The following HDX variants were observed in gnomAD, a reference collection of about 807,000 sequenced individuals.
HDX encodes highly divergent homeobox, also known as chromosome X open reading frame 43.
In HDX, 19 loss-of-function variants were observed where a neutral mutation model predicts 45.2. The ratio of observed to expected loss-of-function variants is 0.42; its 90% CI spans 0.29 to 0.62. HDX has a LOEUF of 0.62. HDX is among the 20% of genes least tolerant of loss of function. The pLI, the probability that HDX is intolerant of heterozygous loss-of-function variation, is 0.20. For missense variants in HDX, 532 were observed against 493.9 expected, an observed-to-expected ratio of 1.08 and a Z score of -0.73; for synonymous variants, 188 against 172.8, an observed-to-expected ratio of 1.09 and a Z score of -0.69.
At chrX:84,487,401 G>T (rs1324514705) in intron 2 of HDX, among the ~76,000 whole-genome samples, 2 of 112,083 alleles carry the variant, frequency 1.8e-5, no homozygotes, top group African/African-American at 6.5e-5. Flanking sequence ...ATCCTCTTGA[G>T]AATGTTGATT....
At chrX:84,326,379 T>G in intron 9 of HDX, 79 bp from the exon 10 acceptor site, 1 of 706,456 alleles carries the variant, frequency 1.4e-6, no homozygotes, top group African/African-American at 2.2e-5. Context: ...AATAAAATTC[T>G]AAAAAACCAT....
rs182856366 is a variant in HDX, at chrX:84,416,842, G to A, written c.1305+23690C>T. On this transcript the variant is annotated intron_variant, in intron 5 of 10. Transcript: ENST00000373177. ...ATTAATAAGACCCTGCCCTATGTCA[G>A]GAAGATGGCAGAATAGAAAGTTCCA... Among the ~76,000 whole-genome samples, 251 of 111,307 alleles carry A rather than the reference G, an allele frequency of 2.3e-3. 2 individuals are homozygous for A. Among genetic ancestry groups the A allele is most frequent in the African/African-American group, 7.9e-3 (242 of 30,606 alleles).
At chrX:84,453,104 ACAACT>A (rs2040037077) in intron 4 of HDX, among the ~76,000 whole-genome samples, 1 of 112,185 alleles carries the variant, frequency 8.9e-6, no homozygotes, top group Non-Finnish European at 1.9e-5. Flanking sequence ...ACAGACTCAA[ACAACT>A]CAACAACTAA....
At chrX:84,471,392 G>A (rs2148145014) in intron 3 of HDX, among the ~76,000 whole-genome samples, 1 of 106,623 alleles carries the variant, frequency 9.4e-6, no homozygotes, top group Admixed American at 1.0e-4. Flanking sequence ...TATAATAAAG[G>A]ATCTATAATA....
At chrX:84,435,805 T>C (rs2039613958) in intron 5 of HDX, among the ~76,000 whole-genome samples, 1 of 104,219 alleles carries the variant, frequency 9.6e-6, no homozygotes, top group Non-Finnish European at 2.0e-5. Flanking sequence ...TGTGGAGAAA[T>C]AGGAACACTT....
At chrX:84,400,004 A>G (rs1488303762) in intron 5 of HDX, among the ~76,000 whole-genome samples, 1 of 111,782 alleles carries the variant, frequency 8.9e-6, no homozygotes, top group East Asian at 2.8e-4. Flanking sequence ...CTTTGATAAA[A>G]TTCAACATCT....
intron 7 of HDX, among the ~76,000 whole-genome samples, chrX:84,341,498 A>G (rs1313419170): frequency 9.1e-6 from 1 of 110,488 alleles, no homozygotes; most frequent in Non-Finnish European, 1.9e-5. Context: ...CTTAACATGC[A>G]TGGCCCTCTT....
chrX:84,454,610 CTT>C (rs2040071525), intron 4 of HDX, among the ~76,000 whole-genome samples: 1 of 111,301 alleles, frequency 9.0e-6, no homozygotes, highest in Non-Finnish European at 1.9e-5. Flanking sequence ...GGCCCTCTCT[CTT>C]GGATGTCATC....
intron 10 of HDX, among the ~76,000 whole-genome samples, chrX:84,324,299 A>T (rs761623050): frequency 1.8e-5 from 2 of 111,526 alleles, no homozygotes; most frequent in South Asian, 7.4e-4. Context: ...AACCAGTGAC[A>T]TGTGGTTGTC....
At chrX:84,401,085 A>G (rs140698635) in intron 5 of HDX, among the ~76,000 whole-genome samples, 42 of 112,267 alleles carry the variant, frequency 3.7e-4, no homozygotes, top group African/African-American at 1.2e-3. Context: ...TGTAAAACCC[A>G]AAACCATAAA....
At chrX:84,485,782 T>G (rs148490803) in intron 2 of HDX, among the ~76,000 whole-genome samples, 5,155 of 111,646 alleles carry the variant, frequency 0.046, 297 homozygotes, top group African/African-American at 0.16. Flanking sequence ...AAATTGACCC[T>G]TTATTCTTTA....
intron 5 of HDX, among the ~76,000 whole-genome samples, chrX:84,419,790 C>A (rs2039206186): frequency 1.8e-5 from 2 of 111,988 alleles, no homozygotes; most frequent in African/African-American, 3.3e-5. Flanking sequence ...TGTCACCCCA[C>A]CCTCAGGTTT....
At chrX:84,466,973 T>C (rs753190555) in intron 4 of HDX, among the ~76,000 whole-genome samples, 2 of 111,536 alleles carry the variant, frequency 1.8e-5, no homozygotes, top group African/African-American at 6.5e-5. Context: ...TTGTTACTAC[T>C]ATTATTAAGA....
intron 6 of HDX, among the ~76,000 whole-genome samples, chrX:84,352,918 G>A (rs930106535): frequency 2.7e-5 from 3 of 110,686 alleles, no homozygotes; most frequent in African/African-American, 9.8e-5. Context: ...GAAAAGACCA[G>A]TCTCCCTAGG....
At chrX:84,435,442 T>C (rs2039603291) in intron 5 of HDX, among the ~76,000 whole-genome samples, 1 of 110,868 alleles carries the variant, frequency 9.0e-6, no homozygotes, top group Admixed American at 9.6e-5. Flanking sequence ...TTGGAGTTCA[T>C]TGTAGATTCT....
intron 2 of HDX, among the ~76,000 whole-genome samples, chrX:84,478,563 T>A (rs142355241): frequency 8.9e-6 from 1 of 112,224 alleles, no homozygotes; most frequent in African/African-American, 3.2e-5. Flanking sequence ...AATTTACTTA[T>A]AAGTATTCAT....
intron 5 of HDX, among the ~76,000 whole-genome samples, chrX:84,374,389 C>A (rs772783809): frequency 1.8e-5 from 2 of 109,847 alleles, no homozygotes; most frequent in Admixed American, 2.0e-4. Context: ...TGATCTTCTT[C>A]ACAGAATTGG....
intron 8 of HDX, among the ~76,000 whole-genome samples, chrX:84,334,262 C>A (rs746667612): frequency 6.3e-5 from 7 of 110,648 alleles, no homozygotes; most frequent in Non-Finnish European, 1.1e-4. Flanking sequence ...AAAATGTCAG[C>A]ATATGACATA....
intron 2 of HDX, among the ~76,000 whole-genome samples, chrX:84,476,404 G>T (rs929184701): frequency 1.8e-5 from 2 of 109,340 alleles, no homozygotes; most frequent in African/African-American, 6.7e-5. Flanking sequence ...CATTAGTTGG[G>T]CATGGTGGTG....
Sources: gnomAD v4.1 joint callset for allele counts (sites outside exome capture counted in the v4.1 genomes callset) on GRCh38, gnomAD v4.1.1 for gene constraint, MANE v1.5 for transcripts, NCBI Gene and HGNC (gene_info 2026-07-23, HGNC 2026-07-21) for gene names.